Variants in POTEE observed in about 807,000 individuals in gnomAD.
The protein encoded by POTEE is ANKRD26-like family C member 1A.
A neutral mutation model predicts 74.2 loss-of-function variants in POTEE; 21 were observed. That is an observed-to-expected ratio of 0.28 (90% CI 0.20 to 0.41). The LOEUF is 0.41. Ranked by LOEUF, POTEE falls within the 10% of genes least tolerant of loss-of-function variation. POTEE has a pLI of 1.00. For synonymous variants in POTEE, 211 were observed against 432.8 expected (o/e 0.49, Z 6.36); for missense variants, 525 against 1,158.6 (o/e 0.45, Z 7.94).
At position 131,209,690 on chromosome 2, in the gene POTEE, C is replaced by T. The variant is rs1324204063; in HGVS notation, c.-474C>T. The stretch of plus-strand genomic sequence containing the variant: ...GAGCTTCTCCTGCCAGGCAGGAAGA[C>T]GAGTAGAAGGGAGCAGCACCGACGC... On this transcript the variant is annotated 5_prime_UTR_variant, in exon 1 of 18. It adds an upstream start codon to the 5' untranslated region. Coordinates refer to ENST00000683005, the MANE Select transcript of POTEE (RefSeq NM_001083538.3). Among the ~76,000 whole-genome samples, 4 of 152,262 alleles carry T rather than the reference C, an allele frequency of 2.6e-5. No individual in the cohort carries two copies. The highest frequency in any genetic ancestry group is 2.1e-4 in the South Asian group (1 of 4,826).
chr2:131,230,813 G>A (rs1232504532), intron 8 of POTEE, 23 bp from the exon 9 acceptor site: 1 of 1,549,792 alleles, frequency 6.5e-7, no homozygotes, highest in African/African-American at 1.4e-5. Flanking sequence ...TAGTAATTTG[G>A]TTTATTACAT....
intron 2 of POTEE, among the ~76,000 whole-genome samples, chr2:131,212,583 A>G (rs1700381991): frequency 1.9e-5 from 1 of 51,576 alleles, no homozygotes; most frequent in Non-Finnish European, 3.8e-5. Flanking sequence ...TTTTTTTTTG[A>G]GATGGAGTTT....
At chr2:131,227,384 T>C (rs1300640998) in intron 7 of POTEE, among the ~76,000 whole-genome samples, 1 of 148,254 alleles carries the variant, frequency 6.7e-6, no homozygotes, top group Non-Finnish European at 1.5e-5. Context: ...AGTTGCTTTC[T>C]TTGAAGAATA....
Position 131,228,495 on chromosome 2 carries a change from C to T in POTEE, c.1055+114C>T, listed in dbSNP as rs554829166. 126 of 1,561,700 alleles carry T rather than the reference C, an allele frequency of 8.1e-5. 1 individual carries two copies. In the South Asian group the frequency reaches 1.1e-3, roughly 13 times the overall value. On this transcript the variant is annotated intron_variant, in intron 8 of 17. Coordinates refer to ENST00000683005, the MANE Select transcript of POTEE (RefSeq NM_001083538.3). ...CATAGTTTGGTTCAGGTAGTTTTCG[C>T]GTGGCAGTGAGTTAGTCCCCTGCAT...
intron 4 of POTEE, among the ~76,000 whole-genome samples, chr2:131,220,439 C>T (rs1441720658): frequency 1.3e-5 from 2 of 152,044 alleles, no homozygotes; most frequent in Non-Finnish European, 2.9e-5. Context: ...CTCCTGTCCT[C>T]GTGATCCACC....
At chr2:131,227,365 T>A (rs1700814820) in intron 7 of POTEE, among the ~76,000 whole-genome samples, 1 of 149,204 alleles carries the variant, frequency 6.7e-6, no homozygotes, top group African/African-American at 2.6e-5. Context: ...TTTTAATGAC[T>A]TTGCTTTAAG....
chr2:131,223,213 A>G (rs1573703592), intron 4 of POTEE, among the ~76,000 whole-genome samples: 1 of 121,016 alleles, frequency 8.3e-6, no homozygotes, highest in South Asian at 2.8e-4. Context: ...ACTATTCTAT[A>G]TCTTTGGTGC....
rs1700310672 is a variant in POTEE, at chr2:131,209,537, T to C, written c.-627T>C. Among the ~76,000 whole-genome samples, 1 of 152,198 alleles carries C rather than the reference T, an allele frequency of 6.6e-6. No individual in the cohort carries two copies. Among genetic ancestry groups the C allele is most frequent in the South Asian group, 2.1e-4 (1 of 4,834 alleles). On this transcript the variant is annotated 5_prime_UTR_variant, in exon 1 of 18. Coordinates refer to ENST00000683005, the MANE Select transcript of POTEE (RefSeq NM_001083538.3). ...AGCATGCGGAGGTGGCGTCAGGTCA[T>C]TTCAGGCTCTTAAGTGTGGGCGTTT... is the stretch of plus-strand genomic sequence containing the variant.
At chr2:131,230,080 A>G (rs1276516904) in intron 8 of POTEE, among the ~76,000 whole-genome samples, 1 of 152,130 alleles carries the variant, frequency 6.6e-6, no homozygotes, top group African/African-American at 2.4e-5. Flanking sequence ...GGTCCAAGTC[A>G]GGTCTTAACA....
At chr2:131,220,874 T>C (rs1033764957) in intron 4 of POTEE, among the ~76,000 whole-genome samples, 1 of 151,178 alleles carries the variant, frequency 6.6e-6, no homozygotes, top group Non-Finnish European at 1.5e-5. Flanking sequence ...AGCAAGAGAA[T>C]TGCTTGAACC....
intron 1 of POTEE, among the ~76,000 whole-genome samples, 59 bp downstream of exon 1, chr2:131,209,878 G>A (rs1700318583): frequency 6.6e-6 from 1 of 151,498 alleles, no homozygotes; most frequent in African/African-American, 2.4e-5. Context: ...TGTCCTATTG[G>A]GGCTCACTGC....
At chr2:131,229,809 G>A (rs1700893516) in intron 8 of POTEE, 1 of 152,174 alleles carries the variant, frequency 6.6e-6, no homozygotes, top group Non-Finnish European at 1.5e-5. Context: ...TATTGAAATT[G>A]TGATTTGTGC....
chr2:131,261,880 ATG>A (rs935919654), intron 17 of POTEE, 34 bp downstream of exon 17: 1 of 59,256 alleles, frequency 1.7e-5, no homozygotes, highest in African/African-American at 5.2e-5. Flanking sequence ...ATGTTTTTAT[ATG>A]TGTGTATATT....
intron 2 of POTEE, among the ~76,000 whole-genome samples, chr2:131,214,710 CT>C (rs1354233450): frequency 3.5e-4 from 53 of 152,282 alleles, no homozygotes; most frequent in Non-Finnish European, 6.3e-4. Context: ...ATAAAAATAT[CT>C]TCAAAATTTA....
chr2:131,230,552 C>T (rs1227341248), intron 8 of POTEE, among the ~76,000 whole-genome samples: 1 of 152,114 alleles, frequency 6.6e-6, no homozygotes, highest in East Asian at 1.9e-4. Flanking sequence ...GGAGCTAGGA[C>T]TTATTTAGAG....
At chr2:131,234,171 A>T (rs1320534265) in intron 9 of POTEE, among the ~76,000 whole-genome samples, 1 of 151,668 alleles carries the variant, frequency 6.6e-6, no homozygotes, top group Non-Finnish European at 1.5e-5. Context: ...TTAATGGATA[A>T]AGATGAATAT....
At chr2:131,231,508 T>G (rs1700957706) in intron 9 of POTEE, among the ~76,000 whole-genome samples, 1 of 152,018 alleles carries the variant, frequency 6.6e-6, no homozygotes, top group Non-Finnish European at 1.5e-5. Context: ...AGTAAGGAAT[T>G]TTTGATCACA....
intron 4 of POTEE, 25 bp from the exon 5 acceptor site, chr2:131,223,571 C>G (rs1322329166): frequency 6.2e-7 from 1 of 1,611,798 alleles, no homozygotes; most frequent in East Asian, 2.2e-5. Flanking sequence ...CTACAATTTC[C>G]TAAAAAGTCT....
At chr2:131,218,186 G>A (rs563508269) in intron 3 of POTEE, 124 bp from the exon 4 acceptor site, 20 of 902,762 alleles carry the variant, frequency 2.2e-5, no homozygotes, top group East Asian at 8.6e-5. Context: ...GCGTGGGGTC[G>A]CCCAGGGGGG....
Sources: gnomAD v4.1 joint callset for allele counts (sites outside exome capture counted in the v4.1 genomes callset) on GRCh38, gnomAD v4.1.1 for gene constraint, MANE v1.5 for transcripts, NCBI Gene and HGNC (gene_info 2026-07-23, HGNC 2026-07-21) for gene names.